Variants in LYVE1 observed in about 807,000 individuals in gnomAD.
LYVE1 encodes the protein lymphatic vessel endothelial hyaluronic acid receptor 1.
LYVE1 carries 29 observed loss-of-function variants against 31.5 expected under a neutral mutation model. The observed-to-expected ratio is 0.92, with a 90% CI of 0.69 to 1.26. The LOEUF is 1.26. LYVE1 is among the 50% of genes most tolerant of loss of function. The probability of loss-of-function intolerance (pLI) is 0.00; values close to 1 mark genes in which losing one functional copy is unlikely to be tolerated. For missense variants in LYVE1, 376 were observed against 380.2 expected (o/e 0.99, Z 0.09); for synonymous variants, 134 against 139.4 (o/e 0.96, Z 0.27).
chr11:10,559,247 A>G lies in LYVE1; in HGVS notation c.833T>C (p.Ile278Thr). ...CTCCTCCTTTACTACTTTGGTTTCG[A>G]TCATTTCCTTCTGCTGATTCTTGTT... ...FTNKNQQKEM[I>T]ETKVVKEEKA... is the part of the protein sequence containing the mutation. The change falls in exon 6 of 6, where the codon ATC becomes ACC. Residue 278 changes from isoleucine to threonine, a missense_variant. Transcript: ENST00000256178. 1 of 1,614,024 alleles carries G rather than the reference A, an allele frequency of 6.2e-7. No individual in the cohort carries two copies. The highest frequency in any genetic ancestry group is 8.5e-7 in the Non-Finnish European group (1 of 1,180,006).
chr11:10,563,964 C>CA lies in LYVE1; in HGVS notation c.372dup (p.Ala125CysfsTer9). On this transcript the variant is annotated frameshift_variant, in exon 3 of 6. Transcript: ENST00000256178. LOFTEE classifies it high-confidence loss of function. ...CCAGATGAGTTGTAACAATAGGCTG[C>CA]AAACTGTCGGCTCACTGGAACCTTC... 6.2e-7 allele frequency: 1 copy of CA among 1,614,178 alleles called. No homozygotes were observed. The highest frequency in any genetic ancestry group is 1.1e-5 in the South Asian group (1 of 91,084).
At chr11:10,564,470 G>T in intron 1 of LYVE1, 96 bp from the exon 2 acceptor site, 1 of 1,172,316 alleles carries the variant, frequency 8.5e-7, no homozygotes, top group East Asian at 2.4e-5. Flanking sequence ...CTGATGCGCA[G>T]GGAGGTCTAT....
At position 10,559,250 on chromosome 11, in the gene LYVE1, A is replaced by T; in HGVS notation, c.830T>A (p.Met277Lys). The T allele has an allele frequency of 3.7e-6, 6 of 1,614,082 alleles. No individual in the cohort carries two copies. The highest frequency in any genetic ancestry group is 5.1e-6 in the Non-Finnish European group (6 of 1,179,984). ...CTCCTTTACTACTTTGGTTTCGATC[A>T]TTTCCTTCTGCTGATTCTTGTTTGT... Reference protein sequence around the residue: ...PFTNKNQQKEMIETKVVKEEK... With the variant: ...PFTNKNQQKEKIETKVVKEEK... The change falls in exon 6 of 6, where the codon ATG (methionine) becomes AAG (lysine). Residue 277 changes from methionine to lysine, a missense_variant. Coordinates refer to ENST00000256178, the MANE Select transcript of LYVE1 (RefSeq NM_006691.4).
intron 2 of LYVE1, 52 bp from the exon 3 acceptor site, chr11:10,564,131 C>T (rs1433370294): frequency 6.2e-7 from 1 of 1,614,068 alleles, no homozygotes; most frequent in Non-Finnish European, 8.5e-7. Context: ...AAGGCTTCAT[C>T]TCTATTGCTG....
At position 10,563,637 on chromosome 11, in the gene LYVE1, C is replaced by A. The variant is rs138296089; in HGVS notation, c.397+303G>T. Among the ~76,000 whole-genome samples, 51 of 152,284 alleles carry A rather than the reference C, an allele frequency of 3.3e-4. No individual in the cohort carries two copies. The East Asian group carries it at 7.5e-3, about 22-fold the overall frequency. The stretch of plus-strand genomic sequence containing the variant: ...TTGTCCATAATGGATGCATTACATA[C>A]ATCTGTACCTTTGTTCCTTCCCTTC... On this transcript the variant is annotated intron_variant, in intron 3 of 5. Transcript: ENST00000256178.
intron 3 of LYVE1, among the ~76,000 whole-genome samples, chr11:10,562,574 C>T (rs1377505205): frequency 6.6e-6 from 1 of 152,154 alleles, no homozygotes; most frequent in Non-Finnish European, 1.5e-5. Context: ...AGCCACCTAA[C>T]CTTCAGAAGG....
chr11:10,559,867 G>A lies in LYVE1; in HGVS notation c.731C>T (p.Ala244Val), dbSNP rs1011426411. 22 of 1,597,992 alleles carry A rather than the reference G, an allele frequency of 1.4e-5. No individual in the cohort carries two copies. In the Middle Eastern group the frequency reaches 9.9e-4, roughly 72 times the overall value. Reference sequence around the variant, plus strand: ...AGCTGCAGCACCAAAGAAGAGGAGAGCAAGCACTAGCAGAGCCGTGGGGAC... The same window carrying A: ...AGCTGCAGCACCAAAGAAGAGGAGAACAAGCACTAGCAGAGCCGTGGGGAC... ...GGVPTALLVL[A>V]LLFFGAAAGL... Residue 244 changes from alanine to valine, a missense_variant, in exon 5 of 6, where the codon GCT becomes GTT. Ala to Val is a moderately conservative substitution (Grantham distance 64). Coordinates refer to ENST00000256178, the MANE Select transcript of LYVE1 (RefSeq NM_006691.4).
chr11:10,564,977 TAG>T (rs1444672663), intron 1 of LYVE1, among the ~76,000 whole-genome samples: 1 of 152,198 alleles, frequency 6.6e-6, no homozygotes, highest in Non-Finnish European at 1.5e-5. Context: ...AGCAGAATTT[TAG>T]AGTCAGACTT....
At chr11:10,563,247 C>A (rs570510684) in intron 3 of LYVE1, among the ~76,000 whole-genome samples, 7 of 152,076 alleles carry the variant, frequency 4.6e-5, no homozygotes, top group African/African-American at 1.7e-4. Flanking sequence ...CTGTGCCCGG[C>A]CTGAACTCGG....
chr11:10,560,731 G>A lies in LYVE1; in HGVS notation c.467C>T (p.Ala156Val), dbSNP rs758995339. ...TKDPIFNTQT[A>V]TQTTEFIVSD... Reference sequence around the variant, plus strand: ...GACAATAAATTCTGTTGTTTGTGTTGCAGTTTGAGTGTTGAATATGGGATC... The same window carrying A: ...GACAATAAATTCTGTTGTTTGTGTTACAGTTTGAGTGTTGAATATGGGATC... Residue 156 changes from alanine (A) to valine (V), a missense_variant, in exon 4 of 6, where the codon GCA (alanine) becomes GTA (valine). Physicochemically the swap from Ala to Val is moderately conservative, Grantham distance 64. Coordinates refer to ENST00000256178, the MANE Select transcript of LYVE1 (RefSeq NM_006691.4). 6.2e-7 allele frequency: 1 copy of A among 1,613,752 alleles called. No homozygotes were observed. The highest frequency in any genetic ancestry group is 1.7e-5 in the Admixed American group (1 of 60,026).
At chr11:10,562,970 T>C (rs1333160081) in intron 3 of LYVE1, among the ~76,000 whole-genome samples, 5 of 144,630 alleles carry the variant, frequency 3.5e-5, no homozygotes, top group Non-Finnish European at 6.0e-5. Context: ...TTTTTTTTTT[T>C]TGAGACGGAG....
At chr11:10,567,461 AAGTAAC>A (rs1328963198) in intron 1 of LYVE1, among the ~76,000 whole-genome samples, 1 of 152,234 alleles carries the variant, frequency 6.6e-6, no homozygotes, top group Admixed American at 6.5e-5. Context: ...ACTTATTTGA[AAGTAAC>A]AGTATTTTAA....
chr11:10,559,632 C>T lies in LYVE1; in HGVS notation c.782+184G>A, dbSNP rs12291856. ...GGACAGTCATTGACTGATGGCTGGA[C>T]GACATGCATGTCCTGAAATAGAAAA... On this transcript the variant is annotated intron_variant, in intron 5 of 5. Transcript: ENST00000256178. Among the ~76,000 whole-genome samples the T allele has an allele frequency of 2.2e-4, 33 of 152,070 alleles. No individual in the cohort carries two copies. The East Asian group carries it at 6.0e-3, about 28-fold the overall frequency.
Position 10,557,196 on chromosome 11 carries a change from G to A in LYVE1, c.*1915C>T, listed in dbSNP as rs1295969277. 1 of 152,226 alleles carries A rather than the reference G, an allele frequency of 6.6e-6. No individual in the cohort carries two copies. The highest frequency in any genetic ancestry group is 1.5e-5 in the Non-Finnish European group (1 of 68,056). 9.4% of individuals were successfully genotyped at this position (152,226 alleles called of 1,614,324 possible). ...GGAAAGGGCACCTTTACTTTGGCAT[G>A]AGTGTGCAACAGAGAGTCATGAGGA... is the stretch of plus-strand genomic sequence containing the variant. On this transcript the variant is annotated 3_prime_UTR_variant, in exon 6 of 6. Coordinates refer to ENST00000256178, the MANE Select transcript of LYVE1 (RefSeq NM_006691.4).
chr11:10,568,337 C>A, intron 1 of LYVE1, 111 bp downstream of exon 1: 2 of 999,318 alleles, frequency 2.0e-6, no homozygotes, highest in Non-Finnish European at 2.9e-6. Context: ...ACCAATTAGA[C>A]CTGCTGTTGA....
chr11:10,560,468 C>G, intron 4 of LYVE1, 27 bp downstream of exon 4: 1 of 1,557,984 alleles, frequency 6.4e-7, no homozygotes, highest in Non-Finnish European at 8.7e-7. Context: ...TACATACACA[C>G]GTAACATAGA....
chr11:10,560,420 C>A (rs1433971671), intron 4 of LYVE1, 75 bp downstream of exon 4: 10 of 1,323,350 alleles, frequency 7.6e-6, no homozygotes, highest in Non-Finnish European at 3.1e-6. Context: ...CATCTAAAGA[C>A]AGGCAGGATT....
At chr11:10,562,609 A>C (rs1463680861) in intron 3 of LYVE1, among the ~76,000 whole-genome samples, 1 of 152,234 alleles carries the variant, frequency 6.6e-6, no homozygotes, top group Non-Finnish European at 1.5e-5. Context: ...ATGTGTGAAA[A>C]GTAATAATCA....
At chr11:10,559,527 A>G (rs1850374084) in intron 5 of LYVE1, among the ~76,000 whole-genome samples, 2 of 152,222 alleles carry the variant, frequency 1.3e-5, no homozygotes, top group Admixed American at 6.5e-5. Flanking sequence ...CTCTTCCAAC[A>G]AAAACAAAGA....
Sources: gnomAD v4.1 joint callset for allele counts (sites outside exome capture counted in the v4.1 genomes callset) on GRCh38, gnomAD v4.1.1 for gene constraint, MANE v1.5 for transcripts, NCBI Gene and HGNC (gene_info 2026-07-23, HGNC 2026-07-21) for gene names.